CRY1: variants seen among roughly 807,000 people sequenced by gnomAD.
The protein encoded by CRY1 is cryptochrome circadian regulator 1, also known as cryptochrome-1.
A neutral mutation model predicts 76.0 loss-of-function variants in CRY1; 45 were observed. The ratio of observed to expected loss-of-function variants is 0.59; its 90% confidence interval spans 0.47 to 0.76. The LOEUF (loss-of-function observed/expected upper bound fraction) is 0.76, where lower values mean the gene tolerates loss of function less well. Among genes scored for constraint, CRY1 ranks in the 30% least tolerant of loss-of-function variants. CRY1 has a pLI of 0.00. For synonymous variants in CRY1, 248 were observed against 244.0 expected (o/e 1.02, Z -0.15); for missense variants, 587 against 716.4 (o/e 0.82, Z 2.06).
At position 107,016,324 on chromosome 12, in the gene CRY1, A is replaced by G. The variant is rs138676747; in HGVS notation, c.267+5760T>C. 3.9e-3 allele frequency among the ~76,000 whole-genome samples: 590 copies of G among 152,312 alleles called. 3 individuals are homozygous for G. The highest frequency in any genetic ancestry group is 0.013 in the African/African-American group (557 of 41,570). The stretch of plus-strand genomic sequence containing the variant: ...GACTTGGTCTCAAAAAACAAAAATA[A>G]AATAAAACAAAACAAAAGAAAGAAA... On this transcript the variant is annotated intron_variant, in intron 2 of 12. Transcript: ENST00000008527.
At chr12:106,993,466 C>A (rs1160823900) in intron 10 of CRY1, among the ~76,000 whole-genome samples, 1 of 151,298 alleles carries the variant, frequency 6.6e-6, no homozygotes, top group African/African-American at 2.4e-5. Context: ...TCAAATCATA[C>A]GACAAGCAGA....
chr12:107,026,940 C>T (rs182744585), intron 1 of CRY1, among the ~76,000 whole-genome samples: 1 of 151,984 alleles, frequency 6.6e-6, no homozygotes, highest in East Asian at 1.9e-4. Flanking sequence ...TTGAAGGAAA[C>T]CTTTCCCAGT....
At position 106,992,901 on chromosome 12, in the gene CRY1, A is replaced by G. The variant is rs780418043; in HGVS notation, c.1658-11T>C. ...CCATGGAGCTTCTTCCTGCACATTTAAAAAATGTATGTTTAAGATAGGAAA... is the reference window on the plus strand; with the variant it reads ...CCATGGAGCTTCTTCCTGCACATTTGAAAAATGTATGTTTAAGATAGGAAA... On this transcript the variant is annotated splice_polypyrimidine_tract_variant and intron_variant, in intron 11 of 12. Coordinates refer to ENST00000008527, the MANE Select transcript of CRY1 (RefSeq NM_004075.5). The G allele has an allele frequency of 8.1e-6, 13 of 1,613,724 alleles. No homozygotes were observed. The Admixed American group carries it at 1.7e-4, about 21-fold the overall frequency.
chr12:107,012,866 G>A lies in CRY1; in HGVS notation c.268-7618C>T, dbSNP rs544744860. Among the ~76,000 whole-genome samples the A allele has an allele frequency of 2.0e-5, 3 of 152,334 alleles. No homozygotes were observed. In the South Asian group the frequency reaches 6.2e-4, roughly 32 times the overall value. On this transcript the variant is annotated intron_variant, in intron 2 of 12. Coordinates refer to ENST00000008527, the MANE Select transcript of CRY1 (RefSeq NM_004075.5). ...TTCAGTGGAGGAAGGAACTACAAAT[G>A]TGGTAGAAATAGCAATAGAATTAAA...
At chr12:107,077,886 T>C (rs999899938) in intron 1 of CRY1, among the ~76,000 whole-genome samples, 1 of 151,974 alleles carries the variant, frequency 6.6e-6, no homozygotes, top group Non-Finnish European at 1.5e-5. Context: ...ATTTCTATCC[T>C]TACACCTACA....
At chr12:107,090,215 C>T (rs760841795) in intron 1 of CRY1, among the ~76,000 whole-genome samples, 8 of 151,810 alleles carry the variant, frequency 5.3e-5, no homozygotes, top group East Asian at 1.9e-4. Context: ...TCAGCCTCCT[C>T]GAGTAGCTGG....
At chr12:107,003,855 G>A (rs1269795564) in intron 3 of CRY1, among the ~76,000 whole-genome samples, 1 of 148,452 alleles carries the variant, frequency 6.7e-6, no homozygotes, top group Non-Finnish European at 1.5e-5. Context: ...TGCCCAGGCT[G>A]GAATGCAGTG....
chr12:107,010,713 G>C (rs1275277794), intron 2 of CRY1, among the ~76,000 whole-genome samples: 1 of 151,846 alleles, frequency 6.6e-6, no homozygotes, highest in Non-Finnish European at 1.5e-5. Flanking sequence ...TGAGTAGCTG[G>C]CACTACAGGT....
At chr12:107,051,379 A>T (rs1330039805) in intron 1 of CRY1, among the ~76,000 whole-genome samples, 1 of 152,198 alleles carries the variant, frequency 6.6e-6, no homozygotes, top group East Asian at 1.9e-4. Context: ...TTAGTGACCA[A>T]TAAAATGCAG....
intron 5 of CRY1, among the ~76,000 whole-genome samples, chr12:107,001,058 C>T (rs918710217): frequency 2.0e-5 from 3 of 151,528 alleles, no homozygotes; most frequent in Non-Finnish European, 2.9e-5. Context: ...AGAGGTAGTG[C>T]GGTAGTAGCT....
chr12:107,093,326 A>C lies in CRY1; in HGVS notation c.-365T>G, dbSNP rs1593552769. ...GGCCCGAGCCGGCACGGACGGCCCC[A>C]GGAGATTCGTCACGGAAACCTCGCC... On this transcript the variant is annotated 5_prime_UTR_variant, in exon 1 of 13. Coordinates refer to ENST00000008527, the MANE Select transcript of CRY1 (RefSeq NM_004075.5). The C allele has an allele frequency of 4.8e-6, 1 of 209,490 alleles. No homozygotes were observed. Among genetic ancestry groups the C allele is most frequent in the Non-Finnish European group, 9.5e-6 (1 of 105,646 alleles). The allele number at this position is 209,490 out of a possible 1,614,324, so 13.0% of individuals were successfully genotyped here. A position where few individuals can be genotyped will look rare whatever the true frequency, so the allele number is the denominator to read the frequency against.
chr12:107,010,897 C>T (rs1952437378), intron 2 of CRY1, among the ~76,000 whole-genome samples: 1 of 152,204 alleles, frequency 6.6e-6, no homozygotes. Context: ...TCCCTCTCCT[C>T]AGGCCTCCTT....
At chr12:107,082,856 G>A (rs1374551873) in intron 1 of CRY1, among the ~76,000 whole-genome samples, 7 of 152,140 alleles carry the variant, frequency 4.6e-5, no homozygotes, top group Admixed American at 4.6e-4. Context: ...GAGCAAAACT[G>A]AAGGAGACAG....
chr12:107,054,858 C>T (rs1294148288), intron 1 of CRY1, among the ~76,000 whole-genome samples: 1 of 151,992 alleles, frequency 6.6e-6, no homozygotes, highest in East Asian at 1.9e-4. Flanking sequence ...CAAAAGCCTT[C>T]ACTTCACCAG....
intron 1 of CRY1, among the ~76,000 whole-genome samples, chr12:107,077,885 C>T (rs1953277292): frequency 6.6e-6 from 1 of 152,040 alleles, no homozygotes; most frequent in South Asian, 2.1e-4. Context: ...GATTTCTATC[C>T]TTACACCTAC....
chr12:107,084,880 C>G (rs2136901887), intron 1 of CRY1, among the ~76,000 whole-genome samples: 1 of 151,464 alleles, frequency 6.6e-6, no homozygotes, highest in Admixed American at 6.6e-5. Context: ...TCAGAGTGAA[C>G]AGACAACCTA....
At chr12:107,037,677 A>T (rs139832058) in intron 1 of CRY1, among the ~76,000 whole-genome samples, 1 of 151,660 alleles carries the variant, frequency 6.6e-6, no homozygotes, top group African/African-American at 2.4e-5. Context: ...ACATAATATA[A>T]ATTTGTTTTT....
intron 1 of CRY1, among the ~76,000 whole-genome samples, chr12:107,025,217 A>G (rs1229839651): frequency 6.6e-6 from 1 of 152,200 alleles, no homozygotes; most frequent in African/African-American, 2.4e-5. Context: ...TTCATAAAAA[A>G]AGTTTAAAAT....
intron 7 of CRY1, among the ~76,000 whole-genome samples, chr12:106,998,648 A>G (rs947342262): frequency 1.4e-5 from 2 of 137,938 alleles, no homozygotes; most frequent in African/African-American, 2.6e-5. Context: ...ACTAGGAAAT[A>G]TAAGAGATTA....
Sources: gnomAD v4.1 joint callset for allele counts (sites outside exome capture counted in the v4.1 genomes callset) on GRCh38, gnomAD v4.1.1 for gene constraint, MANE v1.5 for transcripts, NCBI Gene and HGNC (gene_info 2026-07-23, HGNC 2026-07-21) for gene names.